The following ATP13A5 variants were observed in gnomAD, a reference collection of about 807,000 sequenced individuals.
The protein encoded by ATP13A5 is probable cation-transporting ATPase 13A5.
In ATP13A5, 149 loss-of-function variants were observed where a neutral mutation model predicts 150.2. The observed-to-expected ratio is 0.99, with a 90% CI of 0.87 to 1.14. The LOEUF (loss-of-function observed/expected upper bound fraction) is 1.14. Ranked by LOEUF, ATP13A5 falls within the 50% of genes most tolerant of loss-of-function variation. ATP13A5 has a pLI of 0.00. For missense variants in ATP13A5, 1,383 were observed against 1,449.3 expected (o/e 0.95, Z 0.74); for synonymous variants, 497 against 522.2 (o/e 0.95, Z 0.66).
chr3:193,375,999 C>G (rs556203890), intron 1 of ATP13A5, among the ~76,000 whole-genome samples: 1 of 152,088 alleles, frequency 6.6e-6, no homozygotes, highest in Non-Finnish European at 1.5e-5. Flanking sequence ...GAAGTTAGAC[C>G]GGGCCACAGG....
Position 193,307,360 on chromosome 3 carries a change from C to A in ATP13A5, c.2535G>T (p.Val845=). The change falls in exon 22 of 30, where the codon GTG becomes GTT. Residue 845 remains valine (V), a synonymous_variant. Transcript: ENST00000342358. The stretch of plus-strand genomic sequence containing the variant: ...CGTTAGCTCCATCTCCACACATGCC[C>A]ACATAATAACTGCGGGAGACAGGAG... The part of the protein sequence containing the change: ...IEEFQKLNYY[V]GMCGDGANDC... 6.2e-7 allele frequency: 1 copy of A among 1,613,846 alleles called. No individual in the cohort carries two copies. The highest frequency in any genetic ancestry group is 8.5e-7 in the Non-Finnish European group (1 of 1,179,878).
At chr3:193,306,515 C>T (rs966890131) in intron 22 of ATP13A5, among the ~76,000 whole-genome samples, 10 of 152,256 alleles carry the variant, frequency 6.6e-5, no homozygotes, top group African/African-American at 2.4e-4. Flanking sequence ...GCTATAAACA[C>T]AGTTTTCACA....
In ATP13A5 at chr3:193,321,760, C is replaced by T. The variant is rs1180663146; in HGVS notation, c.1836G>A (p.Gln612=). The T allele has an allele frequency of 5.0e-6, 8 of 1,614,170 alleles. No individual in the cohort carries two copies. The highest frequency in any genetic ancestry group is 6.8e-6 in the Non-Finnish European group (8 of 1,180,026). Reference sequence around the variant, plus strand: ...CATGGAAATGATTCTCCCCAGCTAGCTGAGCGATCACGGACATCCTCTGCA... The same window carrying T: ...CATGGAAATGATTCTCCCCAGCTAGTTGAGCGATCACGGACATCCTCTGCA... ...SSLQRMSVIA[Q]LAGENHFHVY... Residue 612 remains glutamine, a synonymous_variant, in exon 16 of 30, where the codon CAG becomes CAA. Coordinates refer to ENST00000342358, the MANE Select transcript of ATP13A5 (RefSeq NM_198505.4).
chr3:193,327,344 G>A (rs1719502702), intron 12 of ATP13A5, among the ~76,000 whole-genome samples: 1 of 152,178 alleles, frequency 6.6e-6, no homozygotes, highest in Non-Finnish European at 1.5e-5. Context: ...TGCTATGACC[G>A]TTGCTGTTGT....
intron 7 of ATP13A5, among the ~76,000 whole-genome samples, chr3:193,346,510 T>C (rs1248760534): frequency 1.3e-5 from 2 of 152,140 alleles, no homozygotes; most frequent in African/African-American, 4.8e-5. Flanking sequence ...TGGATGTCGG[T>C]GACTTGGATG....
At chr3:193,363,884 C>G (rs1477068483) in intron 2 of ATP13A5, among the ~76,000 whole-genome samples, 1 of 152,132 alleles carries the variant, frequency 6.6e-6, no homozygotes, top group Admixed American at 6.5e-5. Flanking sequence ...TTTCCCCAAG[C>G]TGAAGCAGAA....
intron 25 of ATP13A5, among the ~76,000 whole-genome samples, chr3:193,290,450 T>A (rs1162989014): frequency 6.6e-6 from 1 of 152,022 alleles, no homozygotes; most frequent in Admixed American, 6.6e-5. Flanking sequence ...AGAGTTAGAA[T>A]GAGGAGAATA....
intron 9 of ATP13A5, among the ~76,000 whole-genome samples, chr3:193,338,672 A>AGGGATAT (rs1484056783): frequency 2.6e-5 from 4 of 152,192 alleles, no homozygotes; most frequent in African/African-American, 9.7e-5. Flanking sequence ...GATGTTCATC[A>AGGGATAT]GGGATATTGG....
At chr3:193,337,100 T>C (rs144952338) in intron 9 of ATP13A5, among the ~76,000 whole-genome samples, 8,086 of 152,322 alleles carry the variant, frequency 0.053, 624 homozygotes, top group African/African-American at 0.18. Context: ...TTTTTTCTTG[T>C]AAATTTGTTG....
chr3:193,376,435 C>T (rs954304824), intron 1 of ATP13A5, among the ~76,000 whole-genome samples: 1 of 152,146 alleles, frequency 6.6e-6, no homozygotes, highest in Non-Finnish European at 1.5e-5. Flanking sequence ...TGGTCTTGAA[C>T]TTCTGGCCTC....
rs200974173 is a variant in ATP13A5 at position 193,303,808 on chromosome 3, TAC to T, written c.2678+1749_2678+1750del. On this transcript the variant is annotated intron_variant, in intron 23 of 29. Transcript: ENST00000342358. ...ATGTGTGTGTGTATATAAATATATA[TAC>T]ACACACACACATATTTATATATACA... Among the ~76,000 whole-genome samples, 1,284 of 151,412 alleles carry T rather than the reference TAC, an allele frequency of 8.5e-3. 46 individuals carry two copies. The highest frequency in any genetic ancestry group is 0.074 in the Admixed American group (1,123 of 15,116).
At chr3:193,329,452 A>T (rs1182430147) in intron 12 of ATP13A5, among the ~76,000 whole-genome samples, 2 of 97,606 alleles carry the variant, frequency 2.0e-5, no homozygotes, top group Admixed American at 2.4e-4. Flanking sequence ...ACAGGAAATA[A>T]AGTGAACAGC....
chr3:193,361,467 C>A (rs1169635836), intron 5 of ATP13A5, among the ~76,000 whole-genome samples: 4 of 152,104 alleles, frequency 2.6e-5, no homozygotes, highest in East Asian at 3.8e-4. Flanking sequence ...GAGGGTGGAG[C>A]TTAAAACCTA....
chr3:193,322,134 A>C (rs1719303139), intron 15 of ATP13A5, among the ~76,000 whole-genome samples: 1 of 152,164 alleles, frequency 6.6e-6, no homozygotes, highest in African/African-American at 2.4e-5. Context: ...TTCCCATGTC[A>C]GGACTCTTGA....
rs548235388 is a variant in ATP13A5 at position 193,364,829 on chromosome 3, A to G, written c.64-549T>C. Among the ~76,000 whole-genome samples, 10 of 152,284 alleles carry G rather than the reference A, an allele frequency of 6.6e-5. No homozygotes were observed. In the South Asian group the frequency reaches 1.9e-3, roughly 28 times the overall value. ...CTAAAACAGTATGTTGATGTAAATT[A>G]AGGAATTACTCGTGGATATGAAAGA... is the stretch of plus-strand genomic sequence containing the variant. On this transcript the variant is annotated intron_variant, in intron 1 of 29. Coordinates refer to ENST00000342358, the MANE Select transcript of ATP13A5 (RefSeq NM_198505.4).
In ATP13A5 at chr3:193,354,210, A is replaced by C. The variant is rs138503780; in HGVS notation, c.537-14T>G. The C allele has an allele frequency of 3.1e-6, 5 of 1,608,332 alleles. No homozygotes were observed. The highest frequency in any genetic ancestry group is 4.2e-6 in the Non-Finnish European group (5 of 1,178,130). On this transcript the variant is annotated splice_polypyrimidine_tract_variant and intron_variant, in intron 5 of 29. Coordinates refer to ENST00000342358, the MANE Select transcript of ATP13A5 (RefSeq NM_198505.4). Reference sequence around the variant, plus strand: ...CACACTAATCTTCTGCGGGAAATTGATCATCCATTAGTGTCATAGCTACAA... The same window carrying C: ...CACACTAATCTTCTGCGGGAAATTGCTCATCCATTAGTGTCATAGCTACAA...
At chr3:193,293,813 C>G (rs1718060476) in intron 25 of ATP13A5, among the ~76,000 whole-genome samples, 1 of 151,854 alleles carries the variant, frequency 6.6e-6, no homozygotes, top group African/African-American at 2.4e-5. Context: ...GGACCAAGAC[C>G]CAGAAAAGAT....
Position 193,311,950 on chromosome 3 carries a change from A to G in ATP13A5, c.2320-9T>C. On this transcript the variant is annotated splice_polypyrimidine_tract_variant and intron_variant, in intron 19 of 29. Coordinates refer to ENST00000342358, the MANE Select transcript of ATP13A5 (RefSeq NM_198505.4). ...GTATGCATGTAGATTTCCTAAAATC[A>G]AAAGGGCATCATTTCTACATTGACT... The G allele has an allele frequency of 2.5e-6, 4 of 1,613,416 alleles. No individual in the cohort carries two copies. The highest frequency in any genetic ancestry group is 3.4e-6 in the Non-Finnish European group (4 of 1,179,592).
At chr3:193,298,741 T>C (rs986796270) in intron 25 of ATP13A5, among the ~76,000 whole-genome samples, 2 of 152,158 alleles carry the variant, frequency 1.3e-5, no homozygotes, top group African/African-American at 4.8e-5. Flanking sequence ...TGTTAGCATT[T>C]GTTCTCACAC....
Sources: gnomAD v4.1 joint callset for allele counts (sites outside exome capture counted in the v4.1 genomes callset) on GRCh38, gnomAD v4.1.1 for gene constraint, MANE v1.5 for transcripts, NCBI Gene and HGNC (gene_info 2026-07-23, HGNC 2026-07-21) for gene names.